The following C20orf203 variants were observed in gnomAD, a reference collection of about 807,000 sequenced individuals.
The protein encoded by C20orf203 is chromosome 20 open reading frame 203.
Under a neutral mutation model 15.9 loss-of-function variants are expected in C20orf203, and 16 were observed. The observed-to-expected ratio is 1.01, with a 90% CI of 0.68 to 1.53. The LOEUF (loss-of-function observed/expected upper bound fraction) is 1.53, where lower values mean the gene tolerates loss of function less well. C20orf203 is among the 40% of genes most tolerant of loss of function. C20orf203 has a pLI of 0.00. For synonymous variants in C20orf203, 98 were observed against 97.2 expected, an observed-to-expected ratio of 1.01 and a Z score of -0.05; for missense variants, 263 against 247.5, an observed-to-expected ratio of 1.06 and a Z score of -0.42.
rs903534041 is a variant in C20orf203, at chr20:32,650,175, GC to G, written c.*256del. The G allele has an allele frequency of 1.0e-5, 5 of 493,718 alleles. No homozygotes were observed. Among genetic ancestry groups the G allele is most frequent in the African/African-American group, 7.7e-5 (4 of 51,774 alleles). 30.6% of individuals were successfully genotyped at this position (493,718 alleles called of 1,614,324 possible). A position where few individuals can be genotyped will look rare whatever the true frequency, so the allele number is the denominator to read the frequency against. ...CAGCAGCTGGACAGGACCAGAGCCT[GC>G]CCCGCATGTCCGGCCGGGGTTCTAC... On this transcript the variant is annotated 3_prime_UTR_variant, in exon 4 of 6. Coordinates refer to ENST00000608990, the MANE Select transcript of C20orf203 (RefSeq NM_182584.4).
intron 1 of C20orf203, among the ~76,000 whole-genome samples, chr20:32,652,544 G>A (rs1248889239): frequency 6.6e-6 from 1 of 151,724 alleles, no homozygotes; most frequent in African/African-American, 2.4e-5. Context: ...TGGCTTTTTT[G>A]GGAAGTTCTG....
intron 1 of C20orf203, among the ~76,000 whole-genome samples, chr20:32,670,586 CA>C (rs1445832922): frequency 2.0e-5 from 3 of 152,048 alleles, no homozygotes; most frequent in Non-Finnish European, 4.4e-5. Context: ...GTAATCCCAG[CA>C]CTTTGGGAAG....
In C20orf203 at chr20:32,632,218, G is replaced by C. The variant is rs1982014986; in HGVS notation, c.*3352C>G. 1 of 152,278 alleles carries C rather than the reference G, an allele frequency of 6.6e-6. No homozygotes were observed. The highest frequency in any genetic ancestry group is 1.5e-5 in the Non-Finnish European group (1 of 68,086). The allele number at this position is 152,278 out of a possible 1,614,324, so 9.4% of individuals were successfully genotyped here. On this transcript the variant is annotated 3_prime_UTR_variant, in exon 6 of 6. Coordinates refer to ENST00000608990, the MANE Select transcript of C20orf203 (RefSeq NM_182584.4). ...CGTCTGTGCCCCTGCACTCCCAGCA[G>C]TCAGCAAGGTCAGGAGTGGGAGAGG...
intron 1 of C20orf203, among the ~76,000 whole-genome samples, chr20:32,662,426 A>C (rs1982913048): frequency 6.6e-6 from 1 of 152,072 alleles, no homozygotes; most frequent in African/African-American, 2.4e-5. Flanking sequence ...ACATGGTGAA[A>C]TCCTGTCTCT....
intron 1 of C20orf203, among the ~76,000 whole-genome samples, chr20:32,665,553 C>T (rs984395292): frequency 6.6e-6 from 1 of 152,196 alleles, no homozygotes; most frequent in Non-Finnish European, 1.5e-5. Flanking sequence ...GAGCAAGGCG[C>T]GGTCCAGGAA....
At chr20:32,648,204 G>C (rs748905117) in intron 4 of C20orf203, among the ~76,000 whole-genome samples, 2 of 152,026 alleles carry the variant, frequency 1.3e-5, no homozygotes, top group Non-Finnish European at 2.9e-5. Context: ...TGGAGCCCAG[G>C]CTCCCCAGCT....
Position 32,632,896 on chromosome 20 carries a change from T to C in C20orf203, c.*2674A>G, listed in dbSNP as rs1982038854. The stretch of plus-strand genomic sequence containing the variant: ...AAAAGAGGTTTAATTGACTCACAGT[T>C]CTGCGTGGCTGGGGAGGCCTCAGGA... On this transcript the variant is annotated 3_prime_UTR_variant, in exon 6 of 6. Coordinates refer to ENST00000608990, the MANE Select transcript of C20orf203 (RefSeq NM_182584.4). 6.6e-6 allele frequency: 1 copy of C among 152,444 alleles called. No homozygotes were observed. Among genetic ancestry groups the C allele is most frequent in the Non-Finnish European group, 1.5e-5 (1 of 68,252 alleles). 9.4% of individuals were successfully genotyped at this position (152,444 alleles called of 1,614,324 possible).
chr20:32,659,961 G>T (rs888017512), intron 1 of C20orf203, among the ~76,000 whole-genome samples: 1 of 152,194 alleles, frequency 6.6e-6, no homozygotes, highest in Non-Finnish European at 1.5e-5. Context: ...CAACACAGTT[G>T]TGTTGTAACC....
At chr20:32,645,566 C>T (rs1159438866) in intron 4 of C20orf203, among the ~76,000 whole-genome samples, 1 of 152,234 alleles carries the variant, frequency 6.6e-6, no homozygotes, top group Non-Finnish European at 1.5e-5. Context: ...AGACCTCTCC[C>T]CTGCACTGCT....
At chr20:32,642,190 T>G (rs1982300912) in intron 4 of C20orf203, among the ~76,000 whole-genome samples, 1 of 152,222 alleles carries the variant, frequency 6.6e-6, no homozygotes, top group South Asian at 2.1e-4. Flanking sequence ...AAGTAGCATT[T>G]AGAGCCAGGT....
chr20:32,645,674 C>T (rs1051802442), intron 4 of C20orf203, among the ~76,000 whole-genome samples: 3 of 152,348 alleles, frequency 2.0e-5, no homozygotes, highest in African/African-American at 7.2e-5. Flanking sequence ...CATCTTCAAG[C>T]CCTCCGAGCT....
intron 1 of C20orf203, among the ~76,000 whole-genome samples, chr20:32,656,326 T>C (rs1982752766): frequency 6.6e-6 from 1 of 152,168 alleles, no homozygotes; most frequent in African/African-American, 2.4e-5. Context: ...AAAATGCAAG[T>C]CAAAACCACA....
chr20:32,646,268 C>G (rs1982430588), intron 4 of C20orf203, among the ~76,000 whole-genome samples: 1 of 148,956 alleles, frequency 6.7e-6, no homozygotes, highest in South Asian at 2.1e-4. Context: ...GAGTCTGGCT[C>G]AATCTCAGCT....
Position 32,650,509 on chromosome 20 carries a change from A to C in C20orf203, c.508T>G (p.Leu170Val). The C allele has an allele frequency of 6.4e-7, 1 of 1,550,548 alleles. No individual in the cohort carries two copies. The highest frequency in any genetic ancestry group is 8.7e-7 in the Non-Finnish European group (1 of 1,146,914). The change falls in exon 4 of 6, where the codon TTG becomes GTG. Residue 170 changes from leucine (L) to valine (V), a missense_variant. By Grantham distance (32) the Leu-to-Val change is conservative. Coordinates refer to ENST00000608990, the MANE Select transcript of C20orf203 (RefSeq NM_182584.4). ...AAAGGTGCAGGCAACTTGCCTGGCA[A>C]GGATGGGAGGCAGAAGTCCTGGAAA... The part of the protein sequence containing the change: ...TCFQDFCLPS[L>V]PGKLPAPLIS...
intron 1 of C20orf203, among the ~76,000 whole-genome samples, chr20:32,661,087 G>A (rs547158651): frequency 2.6e-5 from 4 of 152,160 alleles, no homozygotes; most frequent in African/African-American, 9.6e-5. Flanking sequence ...GACAATCAAG[G>A]TGTTCAGAGG....
chr20:32,655,224 A>G (rs1349890023), intron 1 of C20orf203, among the ~76,000 whole-genome samples: 1 of 152,248 alleles, frequency 6.6e-6, no homozygotes, highest in Non-Finnish European at 1.5e-5. Flanking sequence ...TTTCATAAAT[A>G]TGATACCAAA....
chr20:32,663,017 C>T (rs188821062), intron 1 of C20orf203, among the ~76,000 whole-genome samples: 1 of 146,884 alleles, frequency 6.8e-6, no homozygotes, highest in African/African-American at 2.5e-5. Flanking sequence ...GGCTCAATCT[C>T]GGCTCACTGC....
At chr20:32,667,222 T>C (rs949465427) in intron 1 of C20orf203, among the ~76,000 whole-genome samples, 2 of 152,088 alleles carry the variant, frequency 1.3e-5, no homozygotes, top group Non-Finnish European at 2.9e-5. Flanking sequence ...GGGATTTTAT[T>C]CCAAGAGCTT....
intron 1 of C20orf203, among the ~76,000 whole-genome samples, chr20:32,665,491 G>A (rs966075831): frequency 6.6e-6 from 1 of 152,188 alleles, no homozygotes; most frequent in Non-Finnish European, 1.5e-5. Flanking sequence ...TGACCAGGCC[G>A]GAAACACTGT....
Sources: allele counts gnomAD v4.1 joint callset (sites outside exome capture counted in the v4.1 genomes callset), GRCh38; gene constraint gnomAD v4.1.1; transcripts MANE v1.5; gene names NCBI Gene and HGNC (gene_info 2026-07-23, HGNC 2026-07-21).